The following NFIA variants were observed in gnomAD, a reference collection of about 807,000 sequenced individuals.
The protein encoded by NFIA is nuclear factor I A, also known as nuclear factor 1 A-type.
In NFIA, 8 loss-of-function variants were observed where a neutral mutation model predicts 62.8. The observed-to-expected ratio is 0.13, with a 90% CI of 0.07 to 0.23. The LOEUF is 0.23. Ranked by LOEUF, NFIA falls within the 10% of genes least tolerant of loss-of-function variation. NFIA has a pLI of 1.00. For synonymous variants in NFIA, 235 were observed against 238.1 expected (o/e 0.99, Z 0.12); for missense variants, 410 against 642.1 (o/e 0.64, Z 3.91).
intron 7 of NFIA, among the ~76,000 whole-genome samples, chr1:61,387,066 C>T (rs770430666): frequency 2.6e-5 from 4 of 152,134 alleles, no homozygotes; most frequent in Non-Finnish European, 4.4e-5. Context: ...GGCCCTGCTA[C>T]CTATTACCAT....
At chr1:61,328,312 T>C (rs1213319828) in intron 3 of NFIA, among the ~76,000 whole-genome samples, 1 of 152,110 alleles carries the variant, frequency 6.6e-6, no homozygotes, top group African/African-American at 2.4e-5. Context: ...TTTCTTCTTT[T>C]CCTATTTGGC....
intron 7 of NFIA, 53 bp downstream of exon 7, chr1:61,383,418 C>A (rs1038994654): frequency 2.6e-5 from 41 of 1,600,080 alleles, no homozygotes; most frequent in South Asian, 3.3e-5. Context: ...GCCTTTGGAC[C>A]CAAGTAGCAA....
intron 2 of NFIA, among the ~76,000 whole-genome samples, chr1:61,216,281 C>T (rs527327308): frequency 6.6e-6 from 1 of 152,146 alleles, no homozygotes; most frequent in Admixed American, 6.5e-5. Flanking sequence ...TGCATAGCTT[C>T]AGTAGTTTTT....
intron 2 of NFIA, among the ~76,000 whole-genome samples, chr1:61,146,745 T>C (rs1648032929): frequency 6.6e-6 from 1 of 152,216 alleles, no homozygotes; most frequent in African/African-American, 2.4e-5. Context: ...CATGGTGTGC[T>C]TTCTCCAGAA....
At position 61,167,677 on chromosome 1, in the gene NFIA, G is replaced by A. The variant is rs138509947; in HGVS notation, c.559+78997G>A. Among the ~76,000 whole-genome samples, 1,388 of 152,320 alleles carry A rather than the reference G, an allele frequency of 9.1e-3. 17 individuals carry two copies. The highest frequency in any genetic ancestry group is 0.061 in the Middle Eastern group (18 of 294). On this transcript the variant is annotated intron_variant, in intron 2 of 10. Coordinates refer to ENST00000403491, the MANE Select transcript of NFIA (RefSeq NM_001134673.4). ...AATTTGAAAAAGGATCTCAGTAGAA[G>A]GGACAAATCTACAACTATTAATCCT...
At chr1:61,257,208 A>C (rs1656453891) in intron 2 of NFIA, among the ~76,000 whole-genome samples, 1 of 151,974 alleles carries the variant, frequency 6.6e-6, no homozygotes, top group Admixed American at 6.5e-5. Context: ...AATGTGAGAG[A>C]AGTGTGTCTG....
At chr1:61,444,420 C>G (rs1557444006) in intron 10 of NFIA, among the ~76,000 whole-genome samples, 1 of 152,176 alleles carries the variant, frequency 6.6e-6, no homozygotes, top group East Asian at 1.9e-4. Flanking sequence ...CAGATTCCAA[C>G]TGTAAAACAT....
intron 7 of NFIA, among the ~76,000 whole-genome samples, chr1:61,399,653 A>G (rs1226335093): frequency 6.6e-6 from 1 of 152,226 alleles, no homozygotes; most frequent in East Asian, 1.9e-4. Flanking sequence ...CTAAGAGATT[A>G]CTTTCTTCTT....
intron 7 of NFIA, among the ~76,000 whole-genome samples, chr1:61,392,882 G>A (rs1459445398): frequency 6.6e-6 from 1 of 152,146 alleles, no homozygotes; most frequent in African/African-American, 2.4e-5. Context: ...CTTTCCCTTG[G>A]AATTCCTTTG....
At chr1:61,370,265 A>G (rs1171097614) in intron 6 of NFIA, among the ~76,000 whole-genome samples, 2 of 152,224 alleles carry the variant, frequency 1.3e-5, no homozygotes, top group African/African-American at 2.4e-5. Context: ...AATCAGAGAC[A>G]TGGCACCCAT....
chr1:61,216,509 G>A (rs906509308), intron 2 of NFIA, among the ~76,000 whole-genome samples: 1 of 152,180 alleles, frequency 6.6e-6, no homozygotes, highest in Non-Finnish European at 1.5e-5. Context: ...ATGTTTCACT[G>A]TTTCAGCTGA....
chr1:61,188,079 G>A (rs903281146), intron 2 of NFIA, among the ~76,000 whole-genome samples: 1 of 151,952 alleles, frequency 6.6e-6, no homozygotes, highest in African/African-American at 2.4e-5. Context: ...ACAGAGTCTC[G>A]CTCTGTCACC....
intron 3 of NFIA, among the ~76,000 whole-genome samples, chr1:61,321,404 C>CGA (rs1278958780): frequency 1.4e-5 from 2 of 143,046 alleles, no homozygotes; most frequent in Non-Finnish European, 3.0e-5. Context: ...GTTGACATGA[C>CGA]GAGAGAGAGA....
chr1:61,383,694 ATGTG>A (rs142509081), intron 7 of NFIA, among the ~76,000 whole-genome samples: 1 of 152,024 alleles, frequency 6.6e-6, no homozygotes, highest in Non-Finnish European at 1.5e-5. Context: ...GAGAGACAGA[ATGTG>A]TGTGTGTGTG....
At chr1:61,328,898 T>C (rs1661116907) in intron 3 of NFIA, among the ~76,000 whole-genome samples, 1 of 150,848 alleles carries the variant, frequency 6.6e-6, no homozygotes, top group South Asian at 2.1e-4. Context: ...AATTTTTGTA[T>C]TTTTAGTAGA....
At chr1:61,418,306 A>G (rs1379129371) in intron 9 of NFIA, among the ~76,000 whole-genome samples, 2 of 152,082 alleles carry the variant, frequency 1.3e-5, no homozygotes, top group Non-Finnish European at 2.9e-5. Flanking sequence ...TCTACAAAAA[A>G]TAAAAATTTC....
At chr1:61,294,350 A>G (rs993878011) in intron 3 of NFIA, among the ~76,000 whole-genome samples, 5 of 152,248 alleles carry the variant, frequency 3.3e-5, no homozygotes, top group Non-Finnish European at 5.9e-5. Flanking sequence ...CATGCATCCA[A>G]TAGCAGATTC....
intron 2 of NFIA, among the ~76,000 whole-genome samples, chr1:61,269,695 A>G (rs1425767061): frequency 3.3e-5 from 5 of 152,216 alleles, no homozygotes; most frequent in African/African-American, 1.2e-4. Context: ...GTAATGCACC[A>G]AGTCTGCTTA....
intron 2 of NFIA, chr1:61,132,859 C>T (rs1462849458): frequency 6.6e-6 from 1 of 152,182 alleles, no homozygotes; most frequent in East Asian, 1.9e-4. Context: ...TCAGAGTTCA[C>T]TCTTGGCAAG....
Sources: allele counts gnomAD v4.1 joint callset (sites outside exome capture counted in the v4.1 genomes callset), GRCh38; gene constraint gnomAD v4.1.1; transcripts MANE v1.5; gene names NCBI Gene and HGNC (gene_info 2026-07-23, HGNC 2026-07-21).